Variants in DDN observed in about 807,000 individuals in gnomAD.
The protein encoded by DDN is dendrin.
A neutral mutation model predicts 7.3 loss-of-function variants in DDN; 4 were observed. The observed-to-expected ratio is 0.55, with a 90% CI of 0.27 to 1.25. The LOEUF is 1.25. Ranked by LOEUF, DDN falls within the 50% of genes most tolerant of loss-of-function variation. The pLI is 0.12. For synonymous variants in DDN, 425 were observed against 424.3 expected (o/e 1.00, Z -0.02); for missense variants, 933 against 974.7 (o/e 0.96, Z 0.57).
In DDN at chr12:48,998,246, T is replaced by G; in HGVS notation, c.630A>C (p.Arg210Ser). The change falls in exon 2 of 2, where the codon AGA becomes AGC. Residue 210 changes from arginine to serine, a missense_variant. Arg to Ser is a moderately radical substitution (Grantham distance 110). Coordinates refer to ENST00000421952, the MANE Select transcript of DDN (RefSeq NM_015086.2). Reference sequence around the variant, plus strand: ...GTCGTGGGGCGGTCCCGGCAGAACCTCTCAGCAGCAGGTGAGCCTCGTAGC... The same window carrying G: ...GTCGTGGGGCGGTCCCGGCAGAACCGCTCAGCAGCAGGTGAGCCTCGTAGC... The part of the protein sequence containing the change: ...PPSYEAHLLL[R>S]GSAGTAPRRR... 1 of 1,611,790 alleles carries G rather than the reference T, an allele frequency of 6.2e-7. No individual in the cohort carries two copies. The highest frequency in any genetic ancestry group is 8.5e-7 in the Non-Finnish European group (1 of 1,179,466).
rs770132546 is a variant in DDN at position 48,997,937 on chromosome 12, G to T, written c.939C>A (p.Val313=). The change falls in exon 2 of 2, where the codon GTC becomes GTA. Residue 313 remains valine, a synonymous_variant. Coordinates refer to ENST00000421952, the MANE Select transcript of DDN (RefSeq NM_015086.2). ...CAGCCAGCCCCAGGCTTTTCTCCACGACCCCCTTGCCGGGCTCTGGCCTTG... is the reference window on the plus strand; with the variant it reads ...CAGCCAGCCCCAGGCTTTTCTCCACTACCCCCTTGCCGGGCTCTGGCCTTG... ...ARARPEPGKG[V]VEKSLGLAAA... The T allele has an allele frequency of 1.9e-6, 3 of 1,612,378 alleles. No individual in the cohort carries two copies. Among genetic ancestry groups the T allele is most frequent in the Admixed American group, 1.7e-5 (1 of 59,982 alleles).
In DDN at chr12:48,997,093, G is replaced by A. The variant is rs781301608; in HGVS notation, c.1783C>T (p.Arg595Cys). Reference protein sequence around the residue: ...EGSEVAVVQRRAGRGWARTPG... With the variant: ...EGSEVAVVQRCAGRGWARTPG... ...GTCCGCGCCCAGCCCCGGCCGGCGC[G>A]CCGCTGGACCACCGCCACTTCCGAC... Residue 595 changes from arginine to cysteine, a missense_variant, in exon 2 of 2, where the codon CGC becomes TGC. Arg to Cys is a radical substitution (Grantham distance 180, BLOSUM62 -3). Coordinates refer to ENST00000421952, the MANE Select transcript of DDN (RefSeq NM_015086.2). 1.3e-6 allele frequency: 2 copies of A among 1,522,730 alleles called. No homozygotes were observed. The highest frequency in any genetic ancestry group is 2.2e-5 in the Admixed American group (1 of 44,830). The allele number at this position is 1,522,730 out of a possible 1,614,324, so 94.3% of individuals were successfully genotyped here.
chr12:48,999,089 G>C lies in DDN; in HGVS notation c.199C>G (p.Gln67Glu). ...FQASHWARGFQNRTCGPRPGS... is the reference protein window; with the variant it reads ...FQASHWARGFENRTCGPRPGS... ...CCCTGCTTCACTCACGTGCGGTTCT[G>C]GAACCCGCGAGCCCAGTGGCTGGCC... The change falls in exon 1 of 2, where the codon CAG becomes GAG. Residue 67 changes from glutamine (Q) to glutamate (E), a missense_variant. By Grantham distance (29) the Gln-to-Glu change is conservative. Transcript: ENST00000421952. 1.2e-6 allele frequency: 2 copies of C among 1,614,058 alleles called. No homozygotes were observed. The highest frequency in any genetic ancestry group is 1.7e-6 in the Non-Finnish European group (2 of 1,179,982).
Position 48,999,180 on chromosome 12 carries a change from T to C in DDN, c.108A>G (p.Ile36Met). Residue 36 changes from isoleucine (I) to methionine (M), a missense_variant, in exon 1 of 2, where the codon ATA becomes ATG. Physicochemically the swap from Ile to Met is conservative, Grantham distance 10 (BLOSUM62 1). Coordinates refer to ENST00000421952, the MANE Select transcript of DDN (RefSeq NM_015086.2). ...AATGACAGGAAATAGTCTTCACTTC[T>C]ATCACCAATAGCTTGGACTTCTGCA... The part of the protein sequence containing the change: ...LWVQKSKLLV[I>M]EVKTISCHYS... 1 of 1,613,698 alleles carries C rather than the reference T, an allele frequency of 6.2e-7. No homozygotes were observed. Among genetic ancestry groups the C allele is most frequent in the Non-Finnish European group, 8.5e-7 (1 of 1,179,834 alleles).
Position 48,998,639 on chromosome 12 carries a change from C to T in DDN, c.237G>A (p.Gln79=). Residue 79 remains glutamine, a synonymous_variant, in exon 2 of 2, where the codon CAG becomes CAA. Coordinates refer to ENST00000421952, the MANE Select transcript of DDN (RefSeq NM_015086.2). ...AGGCCCAGGGCCGGCGGGGCGGCGG[C>T]TGTGGGGATCCCGGGCGCGGCCCAC... ...RTCGPRPGSP[Q]PPPRRPWASR... 1 of 1,534,880 alleles carries T rather than the reference C, an allele frequency of 6.5e-7. No homozygotes were observed. The highest frequency in any genetic ancestry group is 8.7e-7 in the Non-Finnish European group (1 of 1,150,584).
Position 48,998,366 on chromosome 12 carries a change from A to T in DDN, c.510T>A (p.Pro170=), listed in dbSNP as rs527884379. 4 of 1,497,130 alleles carry T rather than the reference A, an allele frequency of 2.7e-6. No homozygotes were observed. The African/African-American group carries it at 5.8e-5, about 22-fold the overall frequency. The allele number at this position is 1,497,130 out of a possible 1,614,324, so 92.7% of individuals were successfully genotyped here. A position where few individuals can be genotyped will look rare whatever the true frequency, so the allele number is the denominator to read the frequency against. Reference sequence around the variant, plus strand: ...CGGATGGACGGGGCGCTCGCCCCACAGGCGCCAGGCGCTCCGGCCGCAAGG... The same window carrying T: ...CGGATGGACGGGGCGCTCGCCCCACTGGCGCCAGGCGCTCCGGCCGCAAGG... ...PAPLRPERLA[P]VGRAPRPSAQ... Residue 170 remains proline (P), a synonymous_variant, in exon 2 of 2, where the codon CCT becomes CCA. Transcript: ENST00000421952.
Position 48,997,831 on chromosome 12 carries a change from C to T in DDN, c.1045G>A (p.Gly349Arg). ...GCACAGGGAGCCGCAGTTGCAGACCCCGCAGGAGCTATCTCGGTGCCTGCG... is the reference window on the plus strand; with the variant it reads ...GCACAGGGAGCCGCAGTTGCAGACCTCGCAGGAGCTATCTCGGTGCCTGCG... ...GSAGTEIAPA[G>R]SATAAPCAPH... The change falls in exon 2 of 2, where the codon GGG becomes AGG. Residue 349 changes from glycine to arginine, a missense_variant. By Grantham distance (125) the Gly-to-Arg change is moderately radical (BLOSUM62 -2). Transcript: ENST00000421952. 1.2e-6 allele frequency: 2 copies of T among 1,613,994 alleles called. No homozygotes were observed. Among genetic ancestry groups the T allele is most frequent in the South Asian group, 2.2e-5 (2 of 91,086 alleles).
chr12:48,999,375 C>T lies in DDN; in HGVS notation c.-88G>A. 2 of 1,270,190 alleles carry T rather than the reference C, an allele frequency of 1.6e-6. No homozygotes were observed. The highest frequency in any genetic ancestry group is 2.1e-6 in the Non-Finnish European group (2 of 936,150). The allele number at this position is 1,270,190 out of a possible 1,614,324, so 78.7% of individuals were successfully genotyped here. A position where few individuals can be genotyped will look rare whatever the true frequency, so the allele number is the denominator to read the frequency against. On this transcript the variant is annotated 5_prime_UTR_variant, in exon 1 of 2. Coordinates refer to ENST00000421952, the MANE Select transcript of DDN (RefSeq NM_015086.2). Reference sequence around the variant, plus strand: ...AGGGAGCCGGCGCCCACTGCAGAGCCGCGGGCCCGGGGACTGGGAACTATA... The same window carrying T: ...AGGGAGCCGGCGCCCACTGCAGAGCTGCGGGCCCGGGGACTGGGAACTATA...
Position 48,998,286 on chromosome 12 carries a change from C to A in DDN, c.590G>T (p.Arg197Leu), listed in dbSNP as rs1245382421. 1.9e-6 allele frequency: 3 copies of A among 1,601,126 alleles called. No individual in the cohort carries two copies. The highest frequency in any genetic ancestry group is 2.6e-6 in the Non-Finnish European group (3 of 1,175,442). ...SAWAGPWGGRRPGPPSYEAHL... is the reference protein window; with the variant it reads ...SAWAGPWGGRLPGPPSYEAHL... ...AGCCTCGTAGCTTGGGGGCCCGGGC[C>A]GCCGACCTCCCCAGGGCCCCGCCCA... Residue 197 changes from arginine to leucine, a missense_variant, in exon 2 of 2, where the codon CGG becomes CTG. Physicochemically the swap from Arg to Leu is moderately radical, Grantham distance 102 (BLOSUM62 -2). Coordinates refer to ENST00000421952, the MANE Select transcript of DDN (RefSeq NM_015086.2).
rs1416336732 is a variant in DDN, at chr12:48,998,447, G to A, written c.429C>T (p.Pro143=). ...GAGGGGCGTTGCGGGGCTCCGGGCG[G>A]GGTCGACCCGGGGGGCTCCGTCGGG... The part of the protein sequence containing the change: ...GGARRSPPGR[P]RPEPRNAPRV... The change falls in exon 2 of 2, where the codon CCC becomes CCT. Residue 143 remains proline, a synonymous_variant. Transcript: ENST00000421952. The A allele has an allele frequency of 1.3e-6, 2 of 1,537,534 alleles. No homozygotes were observed. Among genetic ancestry groups the A allele is most frequent in the South Asian group, 2.4e-5 (2 of 82,798 alleles).
In DDN at chr12:48,997,306, C is replaced by A. The variant is rs755166636; in HGVS notation, c.1570G>T (p.Gly524Cys). The stretch of plus-strand genomic sequence containing the variant: ...TCAGCTTCGCCCCCGCGGCCCCCGC[C>A]GGGCTGGTGTAAAAGGCGACTGCTC... The part of the protein sequence containing the change: ...LSSSRLLHQP[G>C]GGRGGEAEGG... Residue 524 changes from glycine to cysteine, a missense_variant, in exon 2 of 2, where the codon GGC (glycine) becomes TGC (cysteine). Coordinates refer to ENST00000421952, the MANE Select transcript of DDN (RefSeq NM_015086.2). The A allele has an allele frequency of 4.3e-6, 7 of 1,609,504 alleles. No homozygotes were observed. The South Asian group carries it at 6.6e-5, about 15-fold the overall frequency.
chr12:48,996,706 A>C lies in DDN; in HGVS notation c.*34T>G. On this transcript the variant is annotated 3_prime_UTR_variant, in exon 2 of 2. Transcript: ENST00000421952. ...TGGGGACCAGTGGACCCAAGGATGG[A>C]TGCGTTGGGGACACAAATACAAGAA... The C allele has an allele frequency of 6.2e-7, 1 of 1,600,010 alleles. No homozygotes were observed. The highest frequency in any genetic ancestry group is 8.5e-7 in the Non-Finnish European group (1 of 1,170,360).
rs759771691 is a variant in DDN at position 48,997,743 on chromosome 12, TCTC to T, written c.1130_1132del (p.Gly377del). On this transcript the variant is annotated inframe_deletion, in exon 2 of 2. Coordinates refer to ENST00000421952, the MANE Select transcript of DDN (RefSeq NM_015086.2). ...CCAGCATTTGGGAAACCAGATCTGT[TCTC>T]CTTCTTTCCCTTCCCTCGAGCCCTT... The T allele has an allele frequency of 6.2e-6, 10 of 1,602,114 alleles. No individual in the cohort carries two copies. Among genetic ancestry groups the T allele is most frequent in the East Asian group, 4.5e-5 (2 of 44,648 alleles).
In DDN at chr12:48,997,080, C is replaced by T. The variant is rs1276291191; in HGVS notation, c.1796G>A (p.Gly599Asp). The T allele has an allele frequency of 2.6e-6, 4 of 1,522,984 alleles. No homozygotes were observed. The highest frequency in any genetic ancestry group is 2.8e-5 in the African/African-American group (2 of 71,746). The allele number at this position is 1,522,984 out of a possible 1,614,324, so 94.3% of individuals were successfully genotyped here. A position where few individuals can be genotyped will look rare whatever the true frequency, so the allele number is the denominator to read the frequency against. Reference sequence around the variant, plus strand: ...GTAGGGCCCTGGGGTCCGCGCCCAGCCCCGGCCGGCGCGCCGCTGGACCAC... The same window carrying T: ...GTAGGGCCCTGGGGTCCGCGCCCAGTCCCGGCCGGCGCGCCGCTGGACCAC... The part of the protein sequence containing the change: ...VAVVQRRAGR[G>D]WARTPGPYAG... Residue 599 changes from glycine (G) to aspartate (D), a missense_variant, in exon 2 of 2, where the codon GGC (glycine) becomes GAC (aspartate). Physicochemically the swap from Gly to Asp is moderately conservative, Grantham distance 94 (BLOSUM62 -1). Transcript: ENST00000421952.
chr12:48,997,532 AC>A lies in DDN; in HGVS notation c.1343del (p.Arg448LeufsTer13). 1 of 1,607,674 alleles carries A rather than the reference AC, an allele frequency of 6.2e-7. No homozygotes were observed. Among genetic ancestry groups the A allele is most frequent in the Non-Finnish European group, 8.5e-7 (1 of 1,175,420 alleles). ...CGTCAATGACAAAGACGCCTTCCCC[AC>A]GGGACAGGCCCTGGGAACTGCGGGG... ...TLPRSSQGLS[R>X]GEGVFVIDAT... On this transcript the variant is annotated frameshift_variant, in exon 2 of 2. Transcript: ENST00000421952. LOFTEE classifies it low-confidence loss of function (END_TRUNC).
chr12:48,996,895 C>G lies in DDN; in HGVS notation c.1981G>C (p.Glu661Gln), dbSNP rs752081658. ...TCCTCTGGCGAACTGTTTCCAACCT[C>G]GGGCAGGGTCCTCTCATTCCGCCAG... ...ASWRNERTLP[E>Q]VGNSSPEEDG... Residue 661 changes from glutamate to glutamine, a missense_variant, in exon 2 of 2, where the codon GAG (glutamate) becomes CAG (glutamine). Transcript: ENST00000421952. 19 of 1,613,438 alleles carry G rather than the reference C, an allele frequency of 1.2e-5. No homozygotes were observed. The African/African-American group carries it at 2.5e-4, about 22-fold the overall frequency.
rs766355227 is a variant in DDN, at chr12:48,997,534, G to A, written c.1342C>T (p.Arg448Cys). 5 of 1,606,722 alleles carry A rather than the reference G, an allele frequency of 3.1e-6. No homozygotes were observed. Among genetic ancestry groups the A allele is most frequent in the Non-Finnish European group, 4.3e-6 (5 of 1,174,778 alleles). The change falls in exon 2 of 2, where the codon CGT becomes TGT. Residue 448 changes from arginine (R) to cysteine (C), a missense_variant. Arg to Cys is a radical substitution (Grantham distance 180, BLOSUM62 -3). Coordinates refer to ENST00000421952, the MANE Select transcript of DDN (RefSeq NM_015086.2). ...TCAATGACAAAGACGCCTTCCCCAC[G>A]GGACAGGCCCTGGGAACTGCGGGGC... ...TLPRSSQGLSRGEGVFVIDAT... is the reference protein window; with the variant it reads ...TLPRSSQGLSCGEGVFVIDAT...
In DDN at chr12:48,996,921, G is replaced by A. The variant is rs1264527851; in HGVS notation, c.1955C>T (p.Ser652Phe). 3.1e-6 allele frequency: 5 copies of A among 1,606,594 alleles called. No homozygotes were observed. The highest frequency in any genetic ancestry group is 3.4e-5 in the Admixed American group (2 of 58,476). ...DGSDTEAPGA[S>F]WRNERTLPEV... ...GGGCAGGGTCCTCTCATTCCGCCAGGAGGCGCCCGGGGCTTCTGTGTCGCT... is the reference window on the plus strand; with the variant it reads ...GGGCAGGGTCCTCTCATTCCGCCAGAAGGCGCCCGGGGCTTCTGTGTCGCT... The change falls in exon 2 of 2, where the codon TCC (serine) becomes TTC (phenylalanine). Residue 652 changes from serine to phenylalanine, a missense_variant. Coordinates refer to ENST00000421952, the MANE Select transcript of DDN (RefSeq NM_015086.2).
At chr12:48,999,018 G>T in intron 1 of DDN, 61 bp downstream of exon 1, 14 of 1,564,886 alleles carry the variant, frequency 8.9e-6, no homozygotes, top group Non-Finnish European at 1.2e-5. Flanking sequence ...GTGCCTGCGG[G>T]GAGGTCCGGA....
Sources: gnomAD v4.1 joint callset for allele counts on GRCh38, gnomAD v4.1.1 for gene constraint, MANE v1.5 for transcripts, NCBI Gene and HGNC (gene_info 2026-07-23, HGNC 2026-07-21) for gene names.